CADM2: variants seen among roughly 807,000 people sequenced by gnomAD.
The protein encoded by CADM2 is cell adhesion molecule 2.
A neutral mutation model predicts 49.8 loss-of-function variants in CADM2; 12 were observed. The ratio of observed to expected loss-of-function variants is 0.24; its 90% CI spans 0.15 to 0.39. The LOEUF (loss-of-function observed/expected upper bound fraction) is 0.39. CADM2 is among the 10% of genes least tolerant of loss of function. The probability of loss-of-function intolerance (pLI) is 1.00; values close to 1 mark genes in which losing one functional copy is unlikely to be tolerated. For missense variants in CADM2, 378 were observed against 492.3 expected, an observed-to-expected ratio of 0.77 and a Z score of 2.20; for synonymous variants, 214 against 175.4, an observed-to-expected ratio of 1.22 and a Z score of -1.74.
intron 5 of CADM2, among the ~76,000 whole-genome samples, chr3:85,903,086 T>G (rs530068548): frequency 6.6e-6 from 1 of 152,220 alleles, no homozygotes; most frequent in East Asian, 1.9e-4. Context: ...TACGAAAAAC[T>G]TACTTTTTAT....
chr3:85,624,629 G>A (rs952427709), intron 1 of CADM2, among the ~76,000 whole-genome samples: 1 of 151,920 alleles, frequency 6.6e-6, no homozygotes, highest in Non-Finnish European at 1.5e-5. Context: ...TTATACCCCT[G>A]CCTTGTTTGG....
At chr3:85,809,671 C>A (rs1252647754) in intron 3 of CADM2, among the ~76,000 whole-genome samples, 1 of 91,736 alleles carries the variant, frequency 1.1e-5, no homozygotes, top group Non-Finnish European at 2.1e-5. Flanking sequence ...TTCCTTCCTT[C>A]CTTCCTTCCT....
At chr3:85,117,239 G>T (rs990657382) in intron 1 of CADM2, among the ~76,000 whole-genome samples, 6 of 111,004 alleles carry the variant, frequency 5.4e-5, no homozygotes, top group Admixed American at 8.3e-5. Context: ...AAAAAAAAGA[G>T]AAAATTTTAT....
chr3:84,976,932 A>G (rs928035796), intron 1 of CADM2, among the ~76,000 whole-genome samples: 1 of 151,936 alleles, frequency 6.6e-6, no homozygotes, highest in Admixed American at 6.6e-5. Context: ...ACAGATCTAA[A>G]GGTGTTTTTT....
chr3:85,201,460 G>T (rs2041497478), intron 1 of CADM2, among the ~76,000 whole-genome samples: 1 of 152,244 alleles, frequency 6.6e-6, no homozygotes, highest in Admixed American at 6.5e-5. Flanking sequence ...TCTTGTTGAT[G>T]GTTGCTGACT....
At chr3:85,950,974 C>G (rs1723358903) in intron 7 of CADM2, among the ~76,000 whole-genome samples, 2 of 151,038 alleles carry the variant, frequency 1.3e-5, no homozygotes, top group South Asian at 4.1e-4. Flanking sequence ...ATGAAAATGT[C>G]TTTGACCCTG....
intron 1 of CADM2, among the ~76,000 whole-genome samples, chr3:85,445,323 T>C (rs1439983949): frequency 6.6e-6 from 1 of 152,104 alleles, no homozygotes; most frequent in Non-Finnish European, 1.5e-5. Context: ...ATGCAGTACA[T>C]AGTCATGAAC....
At chr3:85,081,871 G>T (rs529919735) in intron 1 of CADM2, among the ~76,000 whole-genome samples, 1 of 152,218 alleles carries the variant, frequency 6.6e-6, no homozygotes, top group Non-Finnish European at 1.5e-5. Context: ...ATAAGACAAA[G>T]GTACATAGCC....
At chr3:85,329,345 G>A (rs1246020547) in intron 1 of CADM2, among the ~76,000 whole-genome samples, 4 of 151,374 alleles carry the variant, frequency 2.6e-5, no homozygotes, top group Non-Finnish European at 5.9e-5. Context: ...GACCAGCCTG[G>A]CCAACATGGT....
chr3:84,999,692 T>G (rs2107209078), intron 1 of CADM2, among the ~76,000 whole-genome samples: 1 of 152,282 alleles, frequency 6.6e-6, no homozygotes, highest in African/African-American at 2.4e-5. Context: ...CTCAAATTTT[T>G]TAGTGCTCTG....
intron 1 of CADM2, among the ~76,000 whole-genome samples, chr3:85,442,474 A>AG (rs11376660): frequency 0.56 from 85,060 of 150,634 alleles, 25,018 homozygotes; most frequent in East Asian, 0.83. Flanking sequence ...AAAGAAAAAT[A>AG]ATAATTCACC....
chr3:85,407,793 G>T (rs991212258), intron 1 of CADM2, among the ~76,000 whole-genome samples: 5 of 151,894 alleles, frequency 3.3e-5, no homozygotes, highest in African/African-American at 1.2e-4. Flanking sequence ...GATGAGCTTG[G>T]TCAACATAGT....
chr3:85,644,599 A>C (rs1484399063), intron 1 of CADM2, among the ~76,000 whole-genome samples: 1 of 152,182 alleles, frequency 6.6e-6, no homozygotes, highest in African/African-American at 2.4e-5. Context: ...AAGTGTCCCC[A>C]GCACTTCTTG....
intron 8 of CADM2, among the ~76,000 whole-genome samples, chr3:86,059,895 T>C (rs1451608129): frequency 6.6e-6 from 1 of 152,102 alleles, no homozygotes; most frequent in East Asian, 1.9e-4. Context: ...AAAAAAAGCA[T>C]AGCCAAAAAT....
intron 1 of CADM2, among the ~76,000 whole-genome samples, chr3:85,656,760 C>G (rs1339620989): frequency 6.6e-6 from 1 of 151,970 alleles, no homozygotes; most frequent in Non-Finnish European, 1.5e-5. Flanking sequence ...TACTTGTATC[C>G]AAAACAAATA....
At chr3:85,941,896 T>A (rs575210083) in intron 7 of CADM2, among the ~76,000 whole-genome samples, 1 of 152,058 alleles carries the variant, frequency 6.6e-6, no homozygotes, top group Non-Finnish European at 1.5e-5. Flanking sequence ...TTTTCTCTCA[T>A]GCATAAATGT....
chr3:85,062,251 C>A (rs898092043), intron 1 of CADM2, among the ~76,000 whole-genome samples: 4 of 152,104 alleles, frequency 2.6e-5, no homozygotes, highest in Admixed American at 1.3e-4. Flanking sequence ...CTTTACTATT[C>A]TACCTGTAAA....
intron 1 of CADM2, among the ~76,000 whole-genome samples, chr3:85,461,862 G>T (rs1383711577): frequency 1.3e-5 from 2 of 152,072 alleles, no homozygotes; most frequent in South Asian, 2.1e-4. Flanking sequence ...CTTAGATTCA[G>T]ATAAATATAA....
At chr3:85,426,953 T>C (rs1022211080) in intron 1 of CADM2, among the ~76,000 whole-genome samples, 1 of 151,846 alleles carries the variant, frequency 6.6e-6, no homozygotes. Flanking sequence ...TGATCTTGGC[T>C]CACTCTAAAC....
Sources: gnomAD v4.1 joint callset for allele counts (sites outside exome capture counted in the v4.1 genomes callset) on GRCh38, gnomAD v4.1.1 for gene constraint, MANE v1.5 for transcripts, NCBI Gene and HGNC (gene_info 2026-07-23, HGNC 2026-07-21) for gene names.